The following NAV3 variants were observed in gnomAD, a reference collection of about 807,000 sequenced individuals.
The protein encoded by NAV3 is neuron navigator 3, also known as pore membrane and/or filament interacting like protein 1.
Under a neutral mutation model 244.7 loss-of-function variants are expected in NAV3, and 87 were observed. The ratio of observed to expected loss-of-function variants is 0.36; its 90% CI spans 0.30 to 0.42. The LOEUF (loss-of-function observed/expected upper bound fraction) is 0.42, where lower values mean the gene tolerates loss of function less well. Among genes scored for constraint, NAV3 ranks in the 20% least tolerant of loss-of-function variants. The pLI is 1.00. For missense variants in NAV3, 2,663 were observed against 2,893.3 expected (o/e 0.92, Z 1.83); for synonymous variants, 1,126 against 1,042.2 (o/e 1.08, Z -1.55).
intron 2 of NAV3, among the ~76,000 whole-genome samples, chr12:77,582,826 G>A (rs894143461): frequency 2.0e-5 from 3 of 152,260 alleles, no homozygotes; most frequent in South Asian, 2.1e-4. Flanking sequence ...AATGGGAACC[G>A]GGGCCTGTCA....
chr12:78,182,688 T>C (rs756152894), intron 30 of NAV3, among the ~76,000 whole-genome samples: 179 of 152,082 alleles, frequency 1.2e-3, no homozygotes, highest in Non-Finnish European at 1.9e-3. Context: ...TTTAAGGCAA[T>C]TTTTTAGGAG....
At chr12:77,711,986 AC>A (rs1278426961) in intron 2 of NAV3, among the ~76,000 whole-genome samples, 1 of 152,034 alleles carries the variant, frequency 6.6e-6, no homozygotes, top group Admixed American at 6.6e-5. Flanking sequence ...AAAACCCACA[AC>A]TTCATAAAAA....
chr12:77,682,761 T>C (rs1166741063), intron 2 of NAV3, among the ~76,000 whole-genome samples: 2 of 152,330 alleles, frequency 1.3e-5, no homozygotes, highest in South Asian at 2.1e-4. Context: ...TTAGTGATAC[T>C]GAGTATTTTT....
intron 2 of NAV3, among the ~76,000 whole-genome samples, chr12:77,636,077 T>C (rs1231959378): frequency 6.6e-6 from 1 of 152,098 alleles, no homozygotes; most frequent in Non-Finnish European, 1.5e-5. Context: ...GCAAACATAT[T>C]ATAAAAAGCT....
intron 2 of NAV3, among the ~76,000 whole-genome samples, chr12:77,647,022 T>A (rs887922136): frequency 6.6e-6 from 1 of 150,748 alleles, no homozygotes; most frequent in Non-Finnish European, 1.5e-5. Flanking sequence ...TACATGGACA[T>A]ACACACACAC....
intron 2 of NAV3, among the ~76,000 whole-genome samples, chr12:77,716,538 T>A (rs1330655451): frequency 6.6e-6 from 1 of 151,982 alleles, no homozygotes; most frequent in African/African-American, 2.4e-5. Context: ...TATTTTTATA[T>A]TTTTAATCCT....
At chr12:78,037,547 T>C (rs985667248) in intron 9 of NAV3, among the ~76,000 whole-genome samples, 1 of 152,214 alleles carries the variant, frequency 6.6e-6, no homozygotes, top group African/African-American at 2.4e-5. Context: ...GTGATTTTTT[T>C]TTTTAATTTT....
chr12:77,777,432 GA>G (rs1870420949), intron 2 of NAV3, among the ~76,000 whole-genome samples: 1 of 152,138 alleles, frequency 6.6e-6, no homozygotes, highest in African/African-American at 2.4e-5. Flanking sequence ...GGCTACTATT[GA>G]CCTATCAGGT....
chr12:77,772,772 G>GCTAAATTGACGGTTTAGCATGA (rs1338348030), intron 2 of NAV3, among the ~76,000 whole-genome samples: 6 of 152,204 alleles, frequency 3.9e-5, no homozygotes, highest in African/African-American at 1.4e-4. Context: ...AATTTTTACT[G>GCTAAATTGACGGTTTAGCATGA]CGGTTTAGAA....
At position 78,007,358 on chromosome 12, in the gene NAV3, A is replaced by C; in HGVS notation, c.1820A>C (p.Gln607Pro). 6 of 1,614,206 alleles carry C rather than the reference A, an allele frequency of 3.7e-6. No homozygotes were observed. The highest frequency in any genetic ancestry group is 5.1e-6 in the Non-Finnish European group (6 of 1,180,032). ...ATGACAGTGGCACAAAGCAGTGGGC[A>C]GAGCACAGGAAATGGTGCTGTCCAA... Reference protein sequence around the residue: ...CTMTVAQSSGQSTGNGAVQLP... With the variant: ...CTMTVAQSSGPSTGNGAVQLP... Residue 607 changes from glutamine to proline, a missense_variant, in exon 8 of 40, where the codon CAG (glutamine) becomes CCG (proline). This residue lies in a region of NAV3 where 1,521 missense variants were observed against 1,497.0 expected (regional missense o/e 1.02). Coordinates refer to ENST00000397909, the MANE Select transcript of NAV3 (RefSeq NM_001024383.2).
chr12:78,166,886 G>A (rs1158711855), intron 23 of NAV3, among the ~76,000 whole-genome samples: 1 of 151,628 alleles, frequency 6.6e-6, no homozygotes, highest in Non-Finnish European at 1.5e-5. Context: ...ACAGGCAAAT[G>A]TTTTAACAGA....
chr12:77,804,320 T>A (rs1294940490), intron 2 of NAV3, among the ~76,000 whole-genome samples: 1 of 152,228 alleles, frequency 6.6e-6, no homozygotes, highest in Non-Finnish European at 1.5e-5. Flanking sequence ...TGAGTTAATT[T>A]TGTATAAGGT....
At chr12:77,892,387 A>T (rs1054918492) in intron 1 of NAV3, among the ~76,000 whole-genome samples, 2 of 151,530 alleles carry the variant, frequency 1.3e-5, no homozygotes, top group Non-Finnish European at 2.9e-5. Flanking sequence ...AAATTCATAG[A>T]GGGGGCAAGC....
At position 78,127,019 on chromosome 12, in the gene NAV3, C is replaced by T. The variant is rs1014195495; in HGVS notation, c.4239-148C>T. On this transcript the variant is annotated intron_variant, in intron 16 of 39. Coordinates refer to ENST00000397909, the MANE Select transcript of NAV3 (RefSeq NM_001024383.2). ...GTGACGGCAATGGACATCTTGTCAC[C>T]TTTAGTTGGCCTTTTTCAATGAGTT... is the stretch of plus-strand genomic sequence containing the variant. 3 of 623,260 alleles carry T rather than the reference C, an allele frequency of 4.8e-6. No homozygotes were observed. In the African/African-American group the frequency reaches 5.6e-5, roughly 12 times the overall value. 38.6% of individuals were successfully genotyped at this position (623,260 alleles called of 1,614,324 possible). A position where few individuals can be genotyped will look rare whatever the true frequency, so the allele number is the denominator to read the frequency against.
intron 30 of NAV3, among the ~76,000 whole-genome samples, chr12:78,181,777 C>T (rs1461496680): frequency 6.6e-6 from 1 of 151,970 alleles, no homozygotes; most frequent in Non-Finnish European, 1.5e-5. Context: ...TATGTATGTT[C>T]CTAGCCAACG....
chr12:77,666,966 T>G (rs1873742681), intron 2 of NAV3, among the ~76,000 whole-genome samples: 1 of 152,250 alleles, frequency 6.6e-6, no homozygotes, highest in Non-Finnish European at 1.5e-5. Context: ...GTTACAAATT[T>G]TATGAACTAA....
chr12:77,661,705 G>A (rs1230755989), intron 2 of NAV3, among the ~76,000 whole-genome samples: 1 of 151,936 alleles, frequency 6.6e-6, no homozygotes, highest in Non-Finnish European at 1.5e-5. Context: ...AATCTATTTT[G>A]AAGTTCTTTT....
intron 22 of NAV3, among the ~76,000 whole-genome samples, chr12:78,149,503 A>G (rs1187380810): frequency 1.3e-5 from 2 of 152,120 alleles, no homozygotes; most frequent in Non-Finnish European, 2.9e-5. Context: ...GAAGACCGTC[A>G]ATTAAATTAA....
At chr12:78,152,768 A>C (rs564001959) in intron 22 of NAV3, among the ~76,000 whole-genome samples, 2 of 152,118 alleles carry the variant, frequency 1.3e-5, no homozygotes, top group Non-Finnish European at 2.9e-5. Context: ...TATTTTAAAT[A>C]TAATCAAGGA....
Sources: gnomAD v4.1 joint callset for allele counts (sites outside exome capture counted in the v4.1 genomes callset) on GRCh38, gnomAD v4.1.1 for gene constraint, gnomAD v4.1.1 regional missense constraint, MANE v1.5 for transcripts, NCBI Gene and HGNC (gene_info 2026-07-23, HGNC 2026-07-21) for gene names.